Variants in TSPOAP1 observed in about 807,000 individuals in gnomAD.
The protein encoded by TSPOAP1 is peripheral-type benzodiazepine receptor-associated protein 1.
A neutral mutation model predicts 197.0 loss-of-function variants in TSPOAP1; 87 were observed. That is an observed-to-expected ratio of 0.44 (90% CI 0.37 to 0.53). The LOEUF (loss-of-function observed/expected upper bound fraction) is 0.53. TSPOAP1 is among the 20% of genes least tolerant of loss of function. The pLI, the probability that TSPOAP1 is intolerant of heterozygous loss-of-function variation, is 0.00. For synonymous variants in TSPOAP1, 913 were observed against 998.9 expected (o/e 0.91, Z 1.62); for missense variants, 2,174 against 2,411.3 (o/e 0.90, Z 2.06).
chr17:58,327,477 G>A (rs999804113), intron 1 of TSPOAP1, 111 bp downstream of exon 1: 28 of 1,088,486 alleles, frequency 2.6e-5, no homozygotes, highest in Non-Finnish European at 3.2e-5. Flanking sequence ...CAGGCCAAGA[G>A]AGGACAGGTG....
Position 58,318,307 on chromosome 17 carries a change from G to A in TSPOAP1, c.1845C>T (p.Asn615=), listed in dbSNP as rs200804917. ...SNSSHSESIH[N]SPKSCPTPEV... Reference sequence around the variant, plus strand: ...CAGGTGTAGGGCATGACTTGGGGCTGTTGTGGATGGACTCGGAGTGGGAGG... The same window carrying A: ...CAGGTGTAGGGCATGACTTGGGGCTATTGTGGATGGACTCGGAGTGGGAGG... Residue 615 remains asparagine (N), a synonymous_variant, in exon 14 of 32, where the codon AAC becomes AAT. Transcript: ENST00000343736. 1 of 1,614,230 alleles carries A rather than the reference G, an allele frequency of 6.2e-7. No homozygotes were observed. The highest frequency in any genetic ancestry group is 8.5e-7 in the Non-Finnish European group (1 of 1,180,028).
chr17:58,308,754 C>G lies in TSPOAP1; in HGVS notation c.4518G>C (p.Glu1506Asp). 1 of 1,613,082 alleles carries G rather than the reference C, an allele frequency of 6.2e-7. No homozygotes were observed. Among genetic ancestry groups the G allele is most frequent in the Non-Finnish European group, 8.5e-7 (1 of 1,180,010 alleles). ...EISIEYDSED[E>D]QEAGSGGISI... ...TGATGCCCCCGCTGCCCGCCTCCTGCTCATCCTCCGAATCATATTCAATGC... is the reference window on the plus strand; with the variant it reads ...TGATGCCCCCGCTGCCCGCCTCCTGGTCATCCTCCGAATCATATTCAATGC... Residue 1506 changes from glutamate (E) to aspartate (D), a missense_variant, in exon 22 of 32, where the codon GAG (glutamate) becomes GAC (aspartate). Physicochemically the swap from Glu to Asp is conservative, Grantham distance 45 (BLOSUM62 2). This residue lies in a region of TSPOAP1 where 1,933 missense variants were observed against 2,139.0 expected (regional missense o/e 0.90). Transcript: ENST00000343736.
Position 58,310,846 on chromosome 17 carries a change from G to C in TSPOAP1, c.3449C>G (p.Pro1150Arg), listed in dbSNP as rs1971057847. 6.5e-7 allele frequency: 1 copy of C among 1,543,880 alleles called. No individual in the cohort carries two copies. Among genetic ancestry groups the C allele is most frequent in the Admixed American group, 2.0e-5 (1 of 49,284 alleles). Residue 1150 changes from proline (P) to arginine (R), a missense_variant, in exon 19 of 32, where the codon CCT (proline) becomes CGT (arginine). Physicochemically the swap from Pro to Arg is moderately radical, Grantham distance 103. Around this residue, in one of 5 missense-constraint regions of TSPOAP1, gnomAD observed 1,933 missense variants for 2,139.0 expected, o/e 0.90. Transcript: ENST00000343736. ...CCCCAGACAGGGTACCTGGGAGCAA[G>C]GTGCTGGAGGGTCCTCGTGGGACCC... ...AKGSHEDPPA[P>R]CSQEEAGAAV...
chr17:58,316,547 G>T lies in TSPOAP1; in HGVS notation c.1873-7C>A. ...CCTCACTGGCTGTGTCCACCTGGGGGCAAACAGAAAGGGCTGGTTTCTCTT... is the reference window on the plus strand; with the variant it reads ...CCTCACTGGCTGTGTCCACCTGGGGTCAAACAGAAAGGGCTGGTTTCTCTT... On this transcript the variant is annotated splice_region_variant and splice_polypyrimidine_tract_variant and intron_variant, in intron 14 of 31. Coordinates refer to ENST00000343736, the MANE Select transcript of TSPOAP1 (RefSeq NM_004758.4). 1 of 1,599,986 alleles carries T rather than the reference G, an allele frequency of 6.3e-7. No individual in the cohort carries two copies. The highest frequency in any genetic ancestry group is 1.3e-5 in the African/African-American group (1 of 74,582).
In TSPOAP1 at chr17:58,319,118, G is replaced by A. The variant is rs1448109152; in HGVS notation, c.1671C>T (p.Pro557=). 5 of 1,543,174 alleles carry A rather than the reference G, an allele frequency of 3.2e-6. No individual in the cohort carries two copies. The highest frequency in any genetic ancestry group is 2.0e-5 in the Admixed American group (1 of 50,904). Residue 557 remains proline (P), a synonymous_variant, in exon 13 of 32, where the codon CCC becomes CCT. Coordinates refer to ENST00000343736, the MANE Select transcript of TSPOAP1 (RefSeq NM_004758.4). Reference sequence around the variant, plus strand: ...TGGGGCCAGACCCCCGGCAAGGCTGGGGAATGGAGCAGCAGCAGGGGGGTG... The same window carrying A: ...TGGGGCCAGACCCCCGGCAAGGCTGAGGAATGGAGCAGCAGCAGGGGGGTG... ...CPPPPCCCSI[P]QPCRGSGPKD...
chr17:58,311,579 C>T lies in TSPOAP1; in HGVS notation c.3073G>A (p.Gly1025Arg). ...RVTGYAIYAD[G>R]QKIMEVASPT... ...AGTGGGCAGGGCTATACCTTCTGCCCATCAGCGTAGATGGCATAGCCTGTG... is the reference window on the plus strand; with the variant it reads ...AGTGGGCAGGGCTATACCTTCTGCCTATCAGCGTAGATGGCATAGCCTGTG... The change falls in exon 18 of 32, where the codon GGG becomes AGG. Residue 1025 changes from glycine (G) to arginine (R), a missense_variant. Gly to Arg is a moderately radical substitution (Grantham distance 125). Coordinates refer to ENST00000343736, the MANE Select transcript of TSPOAP1 (RefSeq NM_004758.4). 3 of 1,580,014 alleles carry T rather than the reference C, an allele frequency of 1.9e-6. No homozygotes were observed. Among genetic ancestry groups the T allele is most frequent in the Non-Finnish European group, 2.6e-6 (3 of 1,159,270 alleles).
chr17:58,323,786 A>G (rs1425730835), intron 5 of TSPOAP1, among the ~76,000 whole-genome samples: 1 of 152,196 alleles, frequency 6.6e-6, no homozygotes, highest in African/African-American at 2.4e-5. Flanking sequence ...AGATCCTGGG[A>G]CCCACGTGTG....
At position 58,312,248 on chromosome 17, in the gene TSPOAP1, G is replaced by A. The variant is rs1238922858; in HGVS notation, c.2573C>T (p.Ser858Phe). Reference protein sequence around the residue: ...LDLWAGPLHISVQALTSRGSS... With the variant: ...LDLWAGPLHIFVQALTSRGSS... The stretch of plus-strand genomic sequence containing the variant: ...GCCCCGGCTAGTCAGGGCCTGGACA[G>A]AAATGTGAAGGGGCCCGGCCCACAG... Residue 858 changes from serine to phenylalanine, a missense_variant, in exon 17 of 32, where the codon TCT becomes TTT. Ser to Phe is a radical substitution (Grantham distance 155). Around this residue, in one of 5 missense-constraint regions of TSPOAP1, gnomAD observed 1,933 missense variants for 2,139.0 expected, o/e 0.90. Transcript: ENST00000343736. 6.2e-7 allele frequency: 1 copy of A among 1,612,640 alleles called. No individual in the cohort carries two copies. The highest frequency in any genetic ancestry group is 1.3e-5 in the African/African-American group (1 of 75,054).
rs547877532 is a variant in TSPOAP1 at position 58,307,298 on chromosome 17, T to C, written c.4983+313A>G. The stretch of plus-strand genomic sequence containing the variant: ...GTAATGTCAGCAGCAGATAGTTAGA[T>C]TGTGCTGCCTATGTCTCAGGCAGTT... On this transcript the variant is annotated intron_variant, in intron 24 of 31. Transcript: ENST00000343736. 27 of 523,550 alleles carry C rather than the reference T, an allele frequency of 5.2e-5. No homozygotes were observed. The Admixed American group carries it at 6.5e-4, about 13-fold the overall frequency. 32.4% of individuals were successfully genotyped at this position (523,550 alleles called of 1,614,324 possible). A position where few individuals can be genotyped will look rare whatever the true frequency, so the allele number is the denominator to read the frequency against.
intron 13 of TSPOAP1, among the ~76,000 whole-genome samples, chr17:58,318,721 T>C (rs1971313130): frequency 1.3e-5 from 2 of 152,152 alleles, no homozygotes; most frequent in African/African-American, 4.8e-5. Context: ...TTAAGCAGCA[T>C]TCTCAAATCA....
rs200307813 is a variant in TSPOAP1 at position 58,308,718 on chromosome 17, G to A, written c.4554C>T (p.Ser1518=). 23 of 1,613,038 alleles carry A rather than the reference G, an allele frequency of 1.4e-5. No homozygotes were observed. The African/African-American group carries it at 2.7e-4, about 19-fold the overall frequency. The change falls in exon 22 of 32, where the codon AGC becomes AGT. Residue 1518 remains serine, a synonymous_variant. Transcript: ENST00000343736. ...EAGSGGISIT[S]SCYPGDGEAW... ...CCTCCCCATCTCCAGGGTAGCAGGA[G>A]CTGGTGATGCTGATGCCCCCGCTGC...
In TSPOAP1 at chr17:58,302,412, G is replaced by C; in HGVS notation, c.*68C>G. Reference sequence around the variant, plus strand: ...AGCTGGGGGTACAAGGCCCACCTGGGGGCCCTGGGGACCCTTGTGTGGTGC... The same window carrying C: ...AGCTGGGGGTACAAGGCCCACCTGGCGGCCCTGGGGACCCTTGTGTGGTGC... On this transcript the variant is annotated 3_prime_UTR_variant, in exon 32 of 32. Coordinates refer to ENST00000343736, the MANE Select transcript of TSPOAP1 (RefSeq NM_004758.4). 3 of 1,281,224 alleles carry C rather than the reference G, an allele frequency of 2.3e-6. No homozygotes were observed. Among genetic ancestry groups the C allele is most frequent in the Non-Finnish European group, 3.0e-6 (3 of 985,492 alleles). The allele number at this position is 1,281,224 out of a possible 1,614,324, so 79.4% of individuals were successfully genotyped here.
intron 12 of TSPOAP1, 45 bp from the exon 13 acceptor site, chr17:58,319,339 C>T: frequency 6.5e-7 from 1 of 1,527,990 alleles, no homozygotes; most frequent in Non-Finnish European, 8.8e-7. Flanking sequence ...TCAAAGCTAC[C>T]CAGTGCCAGC....
chr17:58,314,167 C>G (rs554080314), intron 16 of TSPOAP1, among the ~76,000 whole-genome samples: 2 of 152,146 alleles, frequency 1.3e-5, no homozygotes, highest in Admixed American at 1.3e-4. Context: ...GTCATCTGTG[C>G]CCCTCACCTC....
chr17:58,305,789 C>A, intron 27 of TSPOAP1, 44 bp downstream of exon 27: 4 of 1,610,128 alleles, frequency 2.5e-6, no homozygotes, highest in Non-Finnish European at 2.5e-6. Flanking sequence ...GCCACCCACC[C>A]TATCTCCTTC....
intron 24 of TSPOAP1, 172 bp downstream of exon 24, chr17:58,307,439 T>G: frequency 1.2e-6 from 1 of 838,874 alleles, no homozygotes; most frequent in Non-Finnish European, 1.8e-6. Context: ...CTAGGTAATC[T>G]ACTCAAGGTT....
rs1442331618 is a variant in TSPOAP1 at position 58,304,532 on chromosome 17, A to G, written c.5545-133T>C. The G allele has an allele frequency of 1.4e-6, 1 of 735,200 alleles. No homozygotes were observed. The highest frequency in any genetic ancestry group is 2.4e-6 in the Non-Finnish European group (1 of 408,354). 45.5% of individuals were successfully genotyped at this position (735,200 alleles called of 1,614,324 possible). On this transcript the variant is annotated intron_variant, in intron 30 of 31. Transcript: ENST00000343736. The surrounding 1 kb of genome is among the most constrained non-coding windows in gnomAD (Gnocchi z 4.2). ...TTTGTGTTCACACATGGAAGCCCTG[A>G]GTTTTCTGGCTGGGGCTTGGCCTCT...
At chr17:58,318,604 G>T in intron 13 of TSPOAP1, 152 bp from the exon 14 acceptor site, 1 of 736,800 alleles carries the variant, frequency 1.4e-6, no homozygotes, top group South Asian at 1.9e-5. Context: ...ACTAAATAGA[G>T]GTATAGCTGA....
In TSPOAP1 at chr17:58,325,005, G is replaced by A; in HGVS notation, c.751-3C>T. The A allele has an allele frequency of 6.6e-7, 1 of 1,522,744 alleles. No homozygotes were observed. Among genetic ancestry groups the A allele is most frequent in the South Asian group, 1.2e-5 (1 of 81,612 alleles). 94.3% of individuals were successfully genotyped at this position (1,522,744 alleles called of 1,614,324 possible). A position where few individuals can be genotyped will look rare whatever the true frequency, so the allele number is the denominator to read the frequency against. On this transcript the variant is annotated splice_polypyrimidine_tract_variant and splice_region_variant and intron_variant, in intron 4 of 31. Transcript: ENST00000343736. The stretch of plus-strand genomic sequence containing the variant: ...ACGTGGAGCCACTGGGGACCCTCCT[G>A]AGGTTGGGGGACAGGGACAGGGAGG...
Sources: gnomAD v4.1 joint callset for allele counts (sites outside exome capture counted in the v4.1 genomes callset) on GRCh38, gnomAD v4.1.1 for gene constraint, gnomAD v4.1.1 regional missense constraint, Gnocchi (gnomAD v3.1) non-coding constraint, MANE v1.5 for transcripts, NCBI Gene and HGNC (gene_info 2026-07-23, HGNC 2026-07-21) for gene names.